The following GRAMD2B variants were observed in gnomAD, a reference collection of about 807,000 sequenced individuals.
The protein encoded by GRAMD2B is GRAM domain containing 2B, also known as GRAM domain-containing protein 2B.
A neutral mutation model predicts 59.2 loss-of-function variants in GRAMD2B; 41 were observed. The observed-to-expected ratio is 0.69, with a 90% CI of 0.54 to 0.90. The LOEUF (loss-of-function observed/expected upper bound fraction) is 0.90, where lower values mean the gene tolerates loss of function less well. GRAMD2B is among the 40% of genes least tolerant of loss of function. The pLI is 0.00. For synonymous variants in GRAMD2B, 161 were observed against 182.7 expected (o/e 0.88, Z 0.96); for missense variants, 424 against 500.5 (o/e 0.85, Z 1.46).
At chr5:126,450,652 TAAAAAAAAA>T (rs10544199) in intron 1 of GRAMD2B, among the ~76,000 whole-genome samples, 8 of 96,052 alleles carry the variant, frequency 8.3e-5, no homozygotes, top group East Asian at 3.4e-4. Flanking sequence ...AGCCTGCTGT[TAAAAAAAAA>T]AAAAAAAAAA....
intron 1 of GRAMD2B, among the ~76,000 whole-genome samples, chr5:126,412,012 G>C (rs1288899917): frequency 6.6e-6 from 1 of 152,062 alleles, no homozygotes; most frequent in African/African-American, 2.4e-5. Flanking sequence ...TCTTTAGGCA[G>C]AGTCTTTAGG....
chr5:126,391,707 C>T (rs1159103915), intron 1 of GRAMD2B, among the ~76,000 whole-genome samples: 2 of 152,120 alleles, frequency 1.3e-5, no homozygotes, highest in African/African-American at 2.4e-5. Context: ...ATAGGCAAAT[C>T]TATAGTGATG....
intron 1 of GRAMD2B, among the ~76,000 whole-genome samples, chr5:126,451,365 G>A (rs2126681159): frequency 6.6e-6 from 1 of 152,368 alleles, no homozygotes; most frequent in South Asian, 2.1e-4. Context: ...TATACAGGAA[G>A]CATGGTGTAA....
chr5:126,446,622 A>T (rs1048212426), intron 1 of GRAMD2B, among the ~76,000 whole-genome samples: 1 of 26,070 alleles, frequency 3.8e-5, no homozygotes, highest in African/African-American at 3.0e-4. Context: ...TTAAAAATTA[A>T]AAAAAAAAAA....
intron 1 of GRAMD2B, among the ~76,000 whole-genome samples, chr5:126,406,782 C>A (rs1210603071): frequency 6.6e-6 from 1 of 151,936 alleles, no homozygotes; most frequent in African/African-American, 2.4e-5. Flanking sequence ...GTGGAAGAGT[C>A]AGATTCCTGA....
At chr5:126,376,763 G>A (rs1403798391) in intron 1 of GRAMD2B, among the ~76,000 whole-genome samples, 2 of 152,136 alleles carry the variant, frequency 1.3e-5, no homozygotes, top group Admixed American at 6.6e-5. Context: ...ACTGTTTTAA[G>A]GGGATATATA....
At chr5:126,443,115 C>G (rs936710597) in intron 1 of GRAMD2B, among the ~76,000 whole-genome samples, 7 of 152,184 alleles carry the variant, frequency 4.6e-5, no homozygotes, top group African/African-American at 1.7e-4. Flanking sequence ...GTAATTGACT[C>G]GCTTCCCAGT....
At chr5:126,394,684 T>G (rs1757204490) in intron 1 of GRAMD2B, among the ~76,000 whole-genome samples, 1 of 152,218 alleles carries the variant, frequency 6.6e-6, no homozygotes, top group African/African-American at 2.4e-5. Flanking sequence ...AGTGAAATAG[T>G]CAGGGTTCCT....
chr5:126,423,642 G>C lies in GRAMD2B; in HGVS notation c.36G>C (p.Lys12Asn). The C allele has an allele frequency of 1.2e-6, 2 of 1,609,428 alleles. No individual in the cohort carries two copies. Among genetic ancestry groups the C allele is most frequent in the South Asian group, 2.2e-5 (2 of 89,892 alleles). ...TACAGCAAGATGTGGAAGACACAAAGCCTGCGAAAGTGCTCGGGAAGAGGG... is the reference window on the plus strand; with the variant it reads ...TACAGCAAGATGTGGAAGACACAAACCCTGCGAAAGTGCTCGGGAAGAGGG... ...TELQQDVEDT[K>N]PAKVLGKRES... Residue 12 changes from lysine to asparagine, a missense_variant, in exon 1 of 14, where the codon AAG becomes AAC. Physicochemically the swap from Lys to Asn is moderately conservative, Grantham distance 94. Transcript: ENST00000285689.
At chr5:126,380,392 G>A (rs1195123984) in intron 1 of GRAMD2B, among the ~76,000 whole-genome samples, 1 of 151,332 alleles carries the variant, frequency 6.6e-6, no homozygotes, top group African/African-American at 2.4e-5. Flanking sequence ...TATGTGGGCT[G>A]ATTCCATATG....
Position 126,493,749 on chromosome 5 carries a change from T to C in GRAMD2B, c.*793T>C, listed in dbSNP as rs531060026. The C allele has an allele frequency of 1.3e-5, 2 of 152,702 alleles. No homozygotes were observed. Among genetic ancestry groups the C allele is most frequent in the South Asian group, 4.1e-4 (2 of 4,830 alleles). The allele number at this position is 152,702 out of a possible 1,614,324, so 9.5% of individuals were successfully genotyped here. A position where few individuals can be genotyped will look rare whatever the true frequency, so the allele number is the denominator to read the frequency against. ...GGTGTAATAGTGATTTAATACAGGA[T>C]GAAAAACACTGAATTTTTAAGACTG... On this transcript the variant is annotated 3_prime_UTR_variant, in exon 14 of 14. Transcript: ENST00000285689.
At chr5:126,410,164 C>T (rs1272259432) in intron 1 of GRAMD2B, among the ~76,000 whole-genome samples, 2 of 152,130 alleles carry the variant, frequency 1.3e-5, no homozygotes, top group South Asian at 4.2e-4. Flanking sequence ...ATTGACTTAG[C>T]AATGCGGGCT....
chr5:126,360,344 C>G (rs756794924), exon 1 of GRAMD2B: 10 of 1,551,246 alleles, frequency 6.4e-6, no homozygotes, highest in South Asian at 2.4e-5. Context: ...GACAAGGAGA[C>G]AGCAAGTCCT....
chr5:126,471,408 G>A (rs1262541517), intron 3 of GRAMD2B, among the ~76,000 whole-genome samples: 1 of 152,188 alleles, frequency 6.6e-6, no homozygotes. Flanking sequence ...TATGATGCAG[G>A]TGAAAGTGTT....
chr5:126,467,550 G>A (rs957988656), intron 2 of GRAMD2B: 1 of 152,098 alleles, frequency 6.6e-6, no homozygotes, highest in Admixed American at 6.5e-5. Flanking sequence ...GCAGTCCATG[G>A]ATCTTCAAAA....
At chr5:126,402,458 C>T (rs1286621366) in intron 1 of GRAMD2B, among the ~76,000 whole-genome samples, 1 of 152,032 alleles carries the variant, frequency 6.6e-6, no homozygotes, top group Admixed American at 6.6e-5. Context: ...AGGACAACAC[C>T]AACCTCTTCA....
upstream of GRAMD2B, among the ~76,000 whole-genome samples, chr5:126,422,576 C>T (rs1282609506): frequency 6.6e-6 from 1 of 152,224 alleles, no homozygotes; most frequent in Non-Finnish European, 1.5e-5. Flanking sequence ...GACAGTTCGT[C>T]TTCTTCCAAT....
rs147406771 is a variant in GRAMD2B, at chr5:126,402,830, G to A, written c.125+31263G>A. Among the ~76,000 whole-genome samples, 560 of 152,052 alleles carry A rather than the reference G, an allele frequency of 3.7e-3. 3 individuals carry two copies. The highest frequency in any genetic ancestry group is 0.012 in the South Asian group (58 of 4,820). On this transcript the variant is annotated intron_variant, in intron 1 of 8. Coordinates refer to the GRAMD2B transcript ENST00000506445. The stretch of plus-strand genomic sequence containing the variant: ...CTTTCTAAGATCCAAAAATATCTCT[G>A]AACTCCAAAACACATCTGGCCCCAT...
At chr5:126,485,578 C>A (rs553007800) in intron 10 of GRAMD2B, 108 bp from the exon 11 acceptor site, 12 of 630,284 alleles carry the variant, frequency 1.9e-5, no homozygotes, top group East Asian at 1.4e-4. Flanking sequence ...TCTCTGATTT[C>A]TTTTACCTGG....
Sources: gnomAD v4.1 joint callset for allele counts (sites outside exome capture counted in the v4.1 genomes callset) on GRCh38, gnomAD v4.1.1 for gene constraint, MANE v1.5 for transcripts, NCBI Gene and HGNC (gene_info 2026-07-23, HGNC 2026-07-21) for gene names.